The following ARIH1 variants were observed in gnomAD, a reference collection of about 807,000 sequenced individuals.
ARIH1 encodes the protein E3 ubiquitin-protein ligase ARIH1.
A neutral mutation model predicts 85.0 loss-of-function variants in ARIH1; 8 were observed. That is an observed-to-expected ratio of 0.09 (90% CI 0.06 to 0.17). ARIH1 has a LOEUF of 0.17. Ranked by LOEUF, ARIH1 falls within the 10% of genes least tolerant of loss-of-function variation. The pLI, the probability that ARIH1 is intolerant of heterozygous loss-of-function variation, is 1.00. For synonymous variants in ARIH1, 238 were observed against 253.6 expected (o/e 0.94, Z 0.59); for missense variants, 311 against 718.1 (o/e 0.43, Z 6.48).
At chr15:72,480,165 G>A (rs1266017396) in intron 1 of ARIH1, among the ~76,000 whole-genome samples, 2 of 151,858 alleles carry the variant, frequency 1.3e-5, no homozygotes, top group Non-Finnish European at 2.9e-5. Context: ...CACCGTGCCC[G>A]GTCAACAGTG....
At chr15:72,491,788 T>C (rs1032480483) in intron 1 of ARIH1, among the ~76,000 whole-genome samples, 1 of 152,222 alleles carries the variant, frequency 6.6e-6, no homozygotes, top group African/African-American at 2.4e-5. Flanking sequence ...GTTAAGGAAT[T>C]AGAGGCATAG....
chr15:72,544,921 A>C lies in ARIH1; in HGVS notation c.545A>C (p.Gln182Pro). Residue 182 changes from glutamine (Q) to proline (P), a missense_variant, in exon 3 of 14, where the codon CAG becomes CCG. Physicochemically the swap from Gln to Pro is moderately conservative, Grantham distance 76 (BLOSUM62 -1). Coordinates refer to ENST00000379887, the MANE Select transcript of ARIH1 (RefSeq NM_005744.5). ...CAGATGAATACAAGGTCATCAGCAC[A>C]GGATATGCCTTGTCAGATCTGCTAC... Reference protein sequence around the residue: ...TRQMNTRSSAQDMPCQICYLN... With the variant: ...TRQMNTRSSAPDMPCQICYLN... 1 of 1,609,908 alleles carries C rather than the reference A, an allele frequency of 6.2e-7. No individual in the cohort carries two copies. The highest frequency in any genetic ancestry group is 8.5e-7 in the Non-Finnish European group (1 of 1,176,928).
intron 1 of ARIH1, among the ~76,000 whole-genome samples, chr15:72,488,319 T>C (rs2063845515): frequency 3.9e-5 from 6 of 152,112 alleles, no homozygotes; most frequent in Admixed American, 3.9e-4. Context: ...TCAAACGATC[T>C]TCCCACCTCA....
In ARIH1 at chr15:72,598,029, TC is replaced by T. The variant is rs1282603507; in HGVS notation, c.*14738del. 6.6e-6 allele frequency: 1 copy of T among 152,270 alleles called. No homozygotes were observed. Among genetic ancestry groups the T allele is most frequent in the Non-Finnish European group, 1.5e-5 (1 of 68,138 alleles). The allele number at this position is 152,270 out of a possible 1,614,324, so 9.4% of individuals were successfully genotyped here. A position where few individuals can be genotyped will look rare whatever the true frequency, so the allele number is the denominator to read the frequency against. ...GAGTACAGCCTGTAGTGATCTCAGC[TC>T]ACTACAACCTCTGCCTTCCTGGCTC... On this transcript the variant is annotated 3_prime_UTR_variant, in exon 14 of 14. Transcript: ENST00000379887.
chr15:72,573,971 A>G (rs2140437264), intron 11 of ARIH1, among the ~76,000 whole-genome samples: 1 of 152,342 alleles, frequency 6.6e-6, no homozygotes, highest in Non-Finnish European at 1.5e-5. Context: ...TATTTCCAAC[A>G]TTAATTTTTA....
intron 1 of ARIH1, among the ~76,000 whole-genome samples, chr15:72,503,682 T>C (rs2063912682): frequency 6.6e-6 from 1 of 152,264 alleles, no homozygotes; most frequent in African/African-American, 2.4e-5. Flanking sequence ...ATGCTACTCT[T>C]ACATTTAGTA....
chr15:72,549,797 CATTA>C lies in ARIH1; in HGVS notation c.588+4837_588+4840del, dbSNP rs1160139264. ...GTGTATTCTTAAGTTTCTTTAAGTC[CATTA>C]ATTTCTTTTGTAGATAATATTTCAT... On this transcript the variant is annotated intron_variant, in intron 3 of 13. Coordinates refer to ENST00000379887, the MANE Select transcript of ARIH1 (RefSeq NM_005744.5). Among the ~76,000 whole-genome samples the C allele has an allele frequency of 5.9e-5, 9 of 152,182 alleles. No individual in the cohort carries two copies. In the South Asian group the frequency reaches 1.9e-3, roughly 32 times the overall value.
intron 1 of ARIH1, among the ~76,000 whole-genome samples, chr15:72,493,147 A>G (rs529180982): frequency 6.6e-6 from 1 of 152,262 alleles, no homozygotes; most frequent in South Asian, 2.1e-4. Flanking sequence ...GTCTTCCTGT[A>G]GCTTTTTACC....
At chr15:72,506,952 T>G (rs2063928390) in intron 1 of ARIH1, among the ~76,000 whole-genome samples, 1 of 152,122 alleles carries the variant, frequency 6.6e-6, no homozygotes, top group Non-Finnish European at 1.5e-5. Flanking sequence ...TATAGGAATG[T>G]CATTCAGCAA....
chr15:72,495,686 A>G (rs1595852221), intron 1 of ARIH1, among the ~76,000 whole-genome samples: 1 of 152,190 alleles, frequency 6.6e-6, no homozygotes, highest in East Asian at 1.9e-4. Context: ...TTGTTCTTTC[A>G]TGGCTGTAAG....
intron 2 of ARIH1, among the ~76,000 whole-genome samples, chr15:72,535,942 G>A (rs2064080034): frequency 6.6e-6 from 1 of 152,176 alleles, no homozygotes; most frequent in Admixed American, 6.5e-5. Flanking sequence ...GGAGTGCGGG[G>A]GTGGGGCGGG....
intron 11 of ARIH1, among the ~76,000 whole-genome samples, chr15:72,577,534 G>T (rs945518736): frequency 4.6e-5 from 7 of 151,868 alleles, no homozygotes; most frequent in Non-Finnish European, 8.8e-5. Context: ...TTAGCTGGGC[G>T]TGGTAGCAGG....
chr15:72,600,352 T>A lies in ARIH1; in HGVS notation c.*17060T>A, dbSNP rs1308043187. ...CATCTGTGACACAAGAAACATGTTC[T>A]ATGTGATTTCTGGGATTTTCCTGTG... On this transcript the variant is annotated 3_prime_UTR_variant, in exon 14 of 14. Coordinates refer to ENST00000379887, the MANE Select transcript of ARIH1 (RefSeq NM_005744.5). The A allele has an allele frequency of 6.6e-6, 1 of 152,228 alleles. No individual in the cohort carries two copies. Among genetic ancestry groups the A allele is most frequent in the Non-Finnish European group, 1.5e-5 (1 of 68,038 alleles). The allele number at this position is 152,228 out of a possible 1,614,324, so 9.4% of individuals were successfully genotyped here.
intron 9 of ARIH1, among the ~76,000 whole-genome samples, chr15:72,568,792 A>C (rs1196721133): frequency 6.6e-6 from 1 of 152,184 alleles, no homozygotes; most frequent in African/African-American, 2.4e-5. Flanking sequence ...TGATTTCAAA[A>C]ATTTGATTTG....
Position 72,474,386 on chromosome 15 carries a change from C to T in ARIH1, c.-254C>T, listed in dbSNP as rs1329077441. On this transcript the variant is annotated 5_prime_UTR_variant, in exon 1 of 14. Transcript: ENST00000379887. ...TTGGGGACTGTTTTCTCTCGGAGGC[C>T]GGAGCGGAGCCGCGTCTGACTGAGG... 5.9e-6 allele frequency: 3 copies of T among 506,562 alleles called. No homozygotes were observed. The highest frequency in any genetic ancestry group is 1.0e-5 in the Non-Finnish European group (3 of 288,336). The allele number at this position is 506,562 out of a possible 1,614,324, so 31.4% of individuals were successfully genotyped here. A position where few individuals can be genotyped will look rare whatever the true frequency, so the allele number is the denominator to read the frequency against.
chr15:72,518,570 A>G (rs1232936305), intron 2 of ARIH1, among the ~76,000 whole-genome samples: 2 of 152,120 alleles, frequency 1.3e-5, no homozygotes, highest in African/African-American at 4.8e-5. Context: ...CAGGTGGAAC[A>G]CGAGGTCAGG....
At chr15:72,513,416 T>C (rs1020280583) in intron 1 of ARIH1, among the ~76,000 whole-genome samples, 2 of 152,180 alleles carry the variant, frequency 1.3e-5, no homozygotes, top group Admixed American at 6.5e-5. Context: ...AGCCTCTTTA[T>C]ATTACAGTTG....
rs895093623 is a variant in ARIH1, at chr15:72,588,470, C to T, written c.*5178C>T. 1 of 152,182 alleles carries T rather than the reference C, an allele frequency of 6.6e-6. No homozygotes were observed. Among genetic ancestry groups the T allele is most frequent in the Admixed American group, 6.5e-5 (1 of 15,280 alleles). The allele number at this position is 152,182 out of a possible 1,614,324, so 9.4% of individuals were successfully genotyped here. ...AGGCATCAGTAATTTTTGTAAAGCC[C>T]TTTACGCATTCTCACCCCTAATTCC... On this transcript the variant is annotated 3_prime_UTR_variant, in exon 14 of 14. Coordinates refer to ENST00000379887, the MANE Select transcript of ARIH1 (RefSeq NM_005744.5).
rs1266207721 is a variant in ARIH1 at position 72,599,031 on chromosome 15, C to T, written c.*15739C>T. 1 of 152,080 alleles carries T rather than the reference C, an allele frequency of 6.6e-6. No individual in the cohort carries two copies. The highest frequency in any genetic ancestry group is 2.4e-5 in the African/African-American group (1 of 41,410). 9.4% of individuals were successfully genotyped at this position (152,080 alleles called of 1,614,324 possible). Reference sequence around the variant, plus strand: ...TGGTTTTATTTACATATTTCATTAGCTAGTATTTTTTTCTTTTTTGAGACA... The same window carrying T: ...TGGTTTTATTTACATATTTCATTAGTTAGTATTTTTTTCTTTTTTGAGACA... On this transcript the variant is annotated 3_prime_UTR_variant, in exon 14 of 14. Transcript: ENST00000379887.
Sources: gnomAD v4.1 joint callset for allele counts (sites outside exome capture counted in the v4.1 genomes callset) on GRCh38, gnomAD v4.1.1 for gene constraint, MANE v1.5 for transcripts, NCBI Gene and HGNC (gene_info 2026-07-23, HGNC 2026-07-21) for gene names.